DENND5A: variants seen among roughly 807,000 people sequenced by gnomAD.
DENND5A encodes the protein DENN domain-containing protein 5A.
A neutral mutation model predicts 140.3 loss-of-function variants in DENND5A; 64 were observed. The ratio of observed to expected loss-of-function variants is 0.46; its 90% CI spans 0.37 to 0.56. The LOEUF is 0.56. Ranked by LOEUF, DENND5A falls within the 20% of genes least tolerant of loss-of-function variation. The pLI is 0.00. For synonymous variants in DENND5A, 605 were observed against 607.7 expected (o/e 1.00, Z 0.07); for missense variants, 1,292 against 1,593.8 (o/e 0.81, Z 3.22).
At chr11:9,144,038 G>C (rs1847335337) in intron 19 of DENND5A, 59 bp downstream of exon 19, 4 of 1,546,016 alleles carry the variant, frequency 2.6e-6, no homozygotes, top group African/African-American at 1.4e-5. Flanking sequence ...AGGGCTCACA[G>C]AGATCCACCC....
intron 12 of DENND5A, among the ~76,000 whole-genome samples, chr11:9,157,042 C>A (rs1847829612): frequency 6.6e-6 from 1 of 152,112 alleles, no homozygotes; most frequent in Non-Finnish European, 1.5e-5. Context: ...CAGGAAGAAG[C>A]TTCACTAACT....
intron 1 of DENND5A, among the ~76,000 whole-genome samples, chr11:9,255,183 C>T (rs1290309854): frequency 6.6e-6 from 1 of 152,132 alleles, no homozygotes; most frequent in Non-Finnish European, 1.5e-5. Flanking sequence ...TGGCTATAAA[C>T]CAATAGATAA....
chr11:9,154,125 G>A (rs1165182665), intron 12 of DENND5A, among the ~76,000 whole-genome samples: 2 of 152,158 alleles, frequency 1.3e-5, no homozygotes, highest in African/African-American at 2.4e-5. Context: ...AAGCTACCAG[G>A]TCTTGAGGCT....
intron 5 of DENND5A, among the ~76,000 whole-genome samples, chr11:9,188,481 C>G (rs1411956653): frequency 1.3e-5 from 2 of 152,136 alleles, no homozygotes; most frequent in Non-Finnish European, 2.9e-5. Context: ...GAGATTGGAA[C>G]AGTTTGGAGG....
chr11:9,227,525 A>G (rs1415359957), intron 1 of DENND5A, among the ~76,000 whole-genome samples: 1 of 152,222 alleles, frequency 6.6e-6, no homozygotes, highest in African/African-American at 2.4e-5. Flanking sequence ...GAAGCTGGGA[A>G]GGTAGTGCAG....
chr11:9,162,531 G>A (rs1433431788), intron 11 of DENND5A, among the ~76,000 whole-genome samples: 2 of 151,576 alleles, frequency 1.3e-5, no homozygotes, highest in Admixed American at 6.6e-5. Flanking sequence ...GAGCCACTGC[G>A]CCTGGCCAGT....
At chr11:9,219,581 T>C (rs1338721676) in intron 1 of DENND5A, among the ~76,000 whole-genome samples, 1 of 152,148 alleles carries the variant, frequency 6.6e-6, no homozygotes, top group Non-Finnish European at 1.5e-5. Context: ...AAAAACGACT[T>C]ACATATGGGA....
intron 5 of DENND5A, among the ~76,000 whole-genome samples, chr11:9,187,891 G>C (rs1017334704): frequency 3.9e-5 from 6 of 152,156 alleles, no homozygotes; most frequent in African/African-American, 1.4e-4. Flanking sequence ...CCCAAAGACG[G>C]CAGTAACTGA....
chr11:9,193,812 G>C (rs1245076295), intron 4 of DENND5A, 131 bp from the exon 5 acceptor site: 1 of 792,140 alleles, frequency 1.3e-6, no homozygotes, highest in Non-Finnish European at 2.0e-6. Context: ...CTTCAGCTAG[G>C]GTATGCTCAA....
intron 12 of DENND5A, among the ~76,000 whole-genome samples, chr11:9,160,090 G>A (rs1313449067): frequency 6.6e-6 from 1 of 152,092 alleles, no homozygotes; most frequent in African/African-American, 2.4e-5. Context: ...ATACTAATAT[G>A]TATTTTCTAA....
intron 1 of DENND5A, among the ~76,000 whole-genome samples, chr11:9,227,160 C>A (rs1418338001): frequency 1.3e-5 from 2 of 150,166 alleles, no homozygotes; most frequent in Non-Finnish European, 3.0e-5. Flanking sequence ...AAGAGTGAAA[C>A]TCCATCTCAA....
chr11:9,147,447 G>A (rs544506113), intron 15 of DENND5A, among the ~76,000 whole-genome samples: 1 of 152,310 alleles, frequency 6.6e-6, no homozygotes, highest in South Asian at 2.1e-4. Flanking sequence ...ACTGAGGGCT[G>A]GAATGAAATT....
At chr11:9,248,660 C>A (rs1229681136) in intron 1 of DENND5A, among the ~76,000 whole-genome samples, 2 of 151,400 alleles carry the variant, frequency 1.3e-5, no homozygotes, top group African/African-American at 4.9e-5. Context: ...TGAGGGATGG[C>A]CAACCTCCCT....
Position 9,265,169 on chromosome 11 carries a change from G to GCCGCTACCGCGGCTCGGGCCGCCGCCC in DENND5A, c.-127_-101dup. The stretch of plus-strand genomic sequence containing the variant: ...CCCTCAGGCCGCCCCTCCCGCCGCC[G>GCCGCTACCGCGGCTCGGGCCGCCGCCC]CCGCTACCGCGGCTCGGGCCGCCGC... On this transcript the variant is annotated 5_prime_UTR_variant, in exon 1 of 23. Transcript: ENST00000328194. The surrounding 1 kb of genome is among the most constrained non-coding windows in gnomAD (Gnocchi z 4.7). 3 of 612,952 alleles carry GCCGCTACCGCGGCTCGGGCCGCCGCCC rather than the reference G, an allele frequency of 4.9e-6. No individual in the cohort carries two copies. Among genetic ancestry groups the GCCGCTACCGCGGCTCGGGCCGCCGCCC allele is most frequent in the Non-Finnish European group, 6.1e-6 (3 of 488,004 alleles). The allele number at this position is 612,952 out of a possible 1,614,324, so 38.0% of individuals were successfully genotyped here.
chr11:9,216,245 T>C (rs1850089809), intron 1 of DENND5A, among the ~76,000 whole-genome samples: 1 of 152,244 alleles, frequency 6.6e-6, no homozygotes, highest in South Asian at 2.1e-4. Flanking sequence ...TCTAAAGGTT[T>C]TTCCAGCTTG....
chr11:9,219,921 A>G (rs937259266), intron 1 of DENND5A, among the ~76,000 whole-genome samples: 5 of 152,174 alleles, frequency 3.3e-5, no homozygotes, highest in African/African-American at 1.2e-4. Context: ...AGATTAACAC[A>G]TTTTTTCTGA....
chr11:9,203,871 G>C lies in DENND5A; in HGVS notation c.738C>G (p.Asn246Lys). ...GTGGGAGCGGCACCTCGTAGAGTAC[G>C]TTGTATATGTAGCTCTCAAGGGGCA... is the stretch of plus-strand genomic sequence containing the variant. Reference protein sequence around the residue: ...PPLPLESYIYNVLYEVPLPPP... With the variant: ...PPLPLESYIYKVLYEVPLPPP... The change falls in exon 4 of 23, where the codon AAC becomes AAG. Residue 246 changes from asparagine to lysine, a missense_variant. Asn to Lys is a moderately conservative substitution (Grantham distance 94). This residue lies in a region of DENND5A where 566 missense variants were observed against 650.4 expected (regional missense o/e 0.87). Coordinates refer to ENST00000328194, the MANE Select transcript of DENND5A (RefSeq NM_015213.4). 6.2e-7 allele frequency: 1 copy of C among 1,614,136 alleles called. No individual in the cohort carries two copies. Among genetic ancestry groups the C allele is most frequent in the Non-Finnish European group, 8.5e-7 (1 of 1,180,022 alleles).
intron 1 of DENND5A, among the ~76,000 whole-genome samples, chr11:9,262,399 C>G (rs939369935): frequency 9.2e-5 from 14 of 152,142 alleles, no homozygotes; most frequent in Admixed American, 9.2e-4. Flanking sequence ...ATTCCACCAC[C>G]TTAGTTTCTT....
intron 1 of DENND5A, among the ~76,000 whole-genome samples, chr11:9,225,574 A>G (rs777365056): frequency 2.0e-5 from 3 of 152,140 alleles, no homozygotes; most frequent in Non-Finnish European, 4.4e-5. Flanking sequence ...AGCCTAGCCA[A>G]CGTGGTAAAA....
Sources: gnomAD v4.1 joint callset for allele counts (sites outside exome capture counted in the v4.1 genomes callset) on GRCh38, gnomAD v4.1.1 for gene constraint, gnomAD v4.1.1 regional missense constraint, Gnocchi (gnomAD v3.1) non-coding constraint, MANE v1.5 for transcripts, NCBI Gene and HGNC (gene_info 2026-07-23, HGNC 2026-07-21) for gene names.